Variants in AGBL4 observed in about 807,000 individuals in gnomAD.
AGBL4 encodes the protein cytosolic carboxypeptidase 6.
A neutral mutation model predicts 66.4 loss-of-function variants in AGBL4; 58 were observed. That is an observed-to-expected ratio of 0.87 (90% CI 0.71 to 1.09). AGBL4 has a LOEUF of 1.09. AGBL4 is among the 50% of genes least tolerant of loss of function. The probability of loss-of-function intolerance (pLI) is 0.00; values close to 1 mark genes in which losing one functional copy is unlikely to be tolerated. For missense variants in AGBL4, 579 were observed against 631.0 expected (o/e 0.92, Z 0.88); for synonymous variants, 234 against 222.9 (o/e 1.05, Z -0.44).
chr1:49,395,766 C>T (rs1187337148), intron 3 of AGBL4, among the ~76,000 whole-genome samples: 5 of 136,908 alleles, frequency 3.7e-5, no homozygotes, highest in Admixed American at 7.5e-5. Context: ...TATATATACA[C>T]ATATATATAC....
intron 5 of AGBL4, among the ~76,000 whole-genome samples, chr1:49,018,079 A>C (rs1329281771): frequency 6.6e-6 from 1 of 152,182 alleles, no homozygotes; most frequent in Non-Finnish European, 1.5e-5. Context: ...ATAAGGGACC[A>C]GGTAGGAAGT....
chr1:48,975,296 A>G (rs1427705672), intron 5 of AGBL4, among the ~76,000 whole-genome samples: 2 of 152,112 alleles, frequency 1.3e-5, no homozygotes, highest in Non-Finnish European at 2.9e-5. Flanking sequence ...ATAATCTGTA[A>G]TGTTACCAGT....
intron 4 of AGBL4, among the ~76,000 whole-genome samples, chr1:49,066,626 C>T (rs577459567): frequency 3.9e-5 from 6 of 152,262 alleles, no homozygotes; most frequent in South Asian, 2.1e-4. Flanking sequence ...ATTGCGAATG[C>T]GTATTTTGAG....
chr1:49,443,429 C>T (rs941063970), intron 3 of AGBL4, among the ~76,000 whole-genome samples: 1 of 151,946 alleles, frequency 6.6e-6, no homozygotes, highest in Non-Finnish European at 1.5e-5. Context: ...AAGCAATTTT[C>T]AGTTGATTTT....
intron 2 of AGBL4, among the ~76,000 whole-genome samples, chr1:49,733,091 T>G (rs950702190): frequency 1.5e-4 from 23 of 152,174 alleles, no homozygotes; most frequent in Non-Finnish European, 3.2e-4. Context: ...AACAACTGAC[T>G]TTCATCAGAG....
chr1:49,582,112 C>G (rs1644554028), intron 3 of AGBL4, among the ~76,000 whole-genome samples: 1 of 152,148 alleles, frequency 6.6e-6, no homozygotes, highest in South Asian at 2.1e-4. Flanking sequence ...GTCCTACGCA[C>G]TGGGATGGGC....
intron 9 of AGBL4, among the ~76,000 whole-genome samples, chr1:48,631,479 C>T (rs1645592624): frequency 6.6e-6 from 1 of 152,198 alleles, no homozygotes; most frequent in African/African-American, 2.4e-5. Flanking sequence ...CAACCTCCGT[C>T]TCCCAGGTTT....
At chr1:48,582,965 T>C (rs1417113709) in intron 11 of AGBL4, among the ~76,000 whole-genome samples, 1 of 152,164 alleles carries the variant, frequency 6.6e-6, no homozygotes, top group South Asian at 2.1e-4. Flanking sequence ...AGATGAAATA[T>C]CCCTTGGGAT....
At chr1:48,856,385 T>C (rs1455788505) in intron 6 of AGBL4, among the ~76,000 whole-genome samples, 1 of 152,244 alleles carries the variant, frequency 6.6e-6, no homozygotes, top group African/African-American at 2.4e-5. Flanking sequence ...TTCGATTTTG[T>C]ATTGTGCTAA....
chr1:49,241,387 C>A (rs1352807590), intron 4 of AGBL4, among the ~76,000 whole-genome samples: 1 of 152,064 alleles, frequency 6.6e-6, no homozygotes, highest in Admixed American at 6.6e-5. Context: ...AATGTTCTCT[C>A]TCATTTTTTT....
chr1:49,309,962 G>A (rs893509521), intron 3 of AGBL4, among the ~76,000 whole-genome samples: 2 of 152,046 alleles, frequency 1.3e-5, no homozygotes, highest in South Asian at 2.1e-4. Context: ...TGTAGGACAG[G>A]TTTCTTTATT....
At chr1:48,871,809 T>C (rs1462437565) in intron 5 of AGBL4, among the ~76,000 whole-genome samples, 2 of 152,098 alleles carry the variant, frequency 1.3e-5, no homozygotes, top group East Asian at 1.9e-4. Context: ...CCAGGAATTA[T>C]CCATTATTCC....
intron 5 of AGBL4, among the ~76,000 whole-genome samples, chr1:48,910,649 T>C (rs1242053107): frequency 6.9e-6 from 1 of 144,806 alleles, no homozygotes; most frequent in East Asian, 2.0e-4. Context: ...TCTGACAGGC[T>C]TTTTTTTCTT....
chr1:49,095,444 G>C (rs1338353335), intron 4 of AGBL4, among the ~76,000 whole-genome samples: 1 of 152,150 alleles, frequency 6.6e-6, no homozygotes, highest in Admixed American at 6.5e-5. Flanking sequence ...ATACTACAAG[G>C]CTACAGTAAC....
intron 1 of AGBL4, among the ~76,000 whole-genome samples, chr1:49,966,655 G>A (rs989329715): frequency 6.6e-6 from 1 of 152,032 alleles, no homozygotes; most frequent in Non-Finnish European, 1.5e-5. Flanking sequence ...TATAAAATGG[G>A]AGTGAGAAAG....
intron 3 of AGBL4, among the ~76,000 whole-genome samples, chr1:49,337,202 T>C (rs1312947347): frequency 1.3e-5 from 2 of 152,152 alleles, no homozygotes; most frequent in African/African-American, 2.4e-5. Flanking sequence ...TTAGTTGTCA[T>C]AAGGACCAAA....
chr1:48,875,089 A>AAAGG (rs1156752642), intron 5 of AGBL4, among the ~76,000 whole-genome samples: 1 of 152,218 alleles, frequency 6.6e-6, no homozygotes, highest in Non-Finnish European at 1.5e-5. Flanking sequence ...ATAGAGTGAG[A>AAAGG]AAGACACAGC....
intron 1 of AGBL4, among the ~76,000 whole-genome samples, chr1:49,974,542 A>G (rs1658404274): frequency 6.6e-6 from 1 of 152,186 alleles, no homozygotes; most frequent in Non-Finnish European, 1.5e-5. Context: ...TTAGCACTGC[A>G]TTTTTAAAAA....
chr1:48,837,225 A>C lies in AGBL4; in HGVS notation c.634+29966T>G, dbSNP rs568525015. On this transcript the variant is annotated intron_variant, in intron 6 of 13. Transcript: ENST00000371839. ...GATGGCATTACAGATAAAAAGAACAATAACTGTAGAGGCTAGTTACGGGTT... is the reference window on the plus strand; with the variant it reads ...GATGGCATTACAGATAAAAAGAACACTAACTGTAGAGGCTAGTTACGGGTT... Among the ~76,000 whole-genome samples the C allele has an allele frequency of 2.0e-5, 3 of 152,106 alleles. No individual in the cohort carries two copies. The South Asian group carries it at 6.2e-4, about 32-fold the overall frequency.
Sources: gnomAD v4.1 joint callset for allele counts (sites outside exome capture counted in the v4.1 genomes callset) on GRCh38, gnomAD v4.1.1 for gene constraint, MANE v1.5 for transcripts, NCBI Gene and HGNC (gene_info 2026-07-23, HGNC 2026-07-21) for gene names.